The following TAF3 variants were observed in gnomAD, a reference collection of about 807,000 sequenced individuals.
TAF3 encodes TATA-box binding protein associated factor 3, also known as transcription initiation factor TFIID subunit 3.
Under a neutral mutation model 80.6 loss-of-function variants are expected in TAF3, and 7 were observed. The observed-to-expected ratio is 0.09, with a 90% CI of 0.05 to 0.16. TAF3 has a LOEUF of 0.16. TAF3 is among the 10% of genes least tolerant of loss of function. TAF3 has a pLI of 1.00. For missense variants in TAF3, 921 were observed against 1,140.2 expected, an observed-to-expected ratio of 0.81 and a Z score of 2.77; for synonymous variants, 444 against 446.1, an observed-to-expected ratio of 1.00 and a Z score of 0.06.
At chr10:7,974,972 G>T (rs1831656540) in intron 3 of TAF3, 2 of 180,058 alleles carry the variant, frequency 1.1e-5, no homozygotes, top group South Asian at 1.8e-4. Flanking sequence ...TACTCTGGAG[G>T]CTGAGGCAGG....
chr10:7,996,733 A>G (rs1166353132), intron 4 of TAF3, among the ~76,000 whole-genome samples: 1 of 151,186 alleles, frequency 6.6e-6, no homozygotes, highest in Non-Finnish European at 1.5e-5. Context: ...AGACTGGAGT[A>G]CAATAGTGCA....
chr10:7,915,799 T>A (rs1345754518), intron 2 of TAF3, among the ~76,000 whole-genome samples: 1 of 151,484 alleles, frequency 6.6e-6, no homozygotes, highest in Non-Finnish European at 1.5e-5. Flanking sequence ...GCCAACATGG[T>A]GAAATCTCGT....
intron 2 of TAF3, among the ~76,000 whole-genome samples, chr10:7,894,315 G>A (rs947074944): frequency 1.3e-5 from 2 of 152,114 alleles, no homozygotes; most frequent in South Asian, 4.1e-4. Context: ...CAGAGCAAAC[G>A]TGAAAAAAAT....
In TAF3 at chr10:7,977,315, A is replaced by G. The variant is rs1831683201; in HGVS notation, c.2307A>G (p.Gln769=). 1.9e-6 allele frequency: 3 copies of G among 1,614,070 alleles called. No individual in the cohort carries two copies. In the African/African-American group the frequency reaches 4.0e-5, roughly 22 times the overall value. The change falls in exon 4 of 7, where the codon CAA becomes CAG. Residue 769 remains glutamine, a synonymous_variant. Transcript: ENST00000344293. ...TAACTCTCCGAGTCGGTGCTGGCCAAGACAAGATGTAAGTATAAACGTTTT... is the reference window on the plus strand; with the variant it reads ...TAACTCTCCGAGTCGGTGCTGGCCAGGACAAGATGTAAGTATAAACGTTTT... ...PRLTLRVGAG[Q]DKIVISKVVP... is the part of the protein sequence containing the mutation.
chr10:7,937,592 T>G (rs1837933005), intron 2 of TAF3, among the ~76,000 whole-genome samples: 1 of 152,248 alleles, frequency 6.6e-6, no homozygotes, highest in African/African-American at 2.4e-5. Flanking sequence ...GTGACAGTCC[T>G]TTATCAGATA....
chr10:7,941,771 G>A (rs573320861), intron 2 of TAF3, among the ~76,000 whole-genome samples: 2 of 152,300 alleles, frequency 1.3e-5, no homozygotes, highest in South Asian at 2.1e-4. Flanking sequence ...GGGCAGGGTT[G>A]TGGTAGCTGG....
intron 4 of TAF3, among the ~76,000 whole-genome samples, chr10:7,982,479 A>G (rs1275421694): frequency 6.6e-6 from 1 of 151,966 alleles, no homozygotes; most frequent in Non-Finnish European, 1.5e-5. Context: ...GCTCACTGCA[A>G]CCTCCACCTC....
intron 2 of TAF3, among the ~76,000 whole-genome samples, chr10:7,900,872 T>C (rs1311444999): frequency 6.6e-6 from 1 of 152,112 alleles, no homozygotes; most frequent in Non-Finnish European, 1.5e-5. Context: ...CATAAAACTT[T>C]TTAAAAATCA....
At chr10:7,825,302 T>G (rs1340189103) in intron 2 of TAF3, among the ~76,000 whole-genome samples, 2 of 152,230 alleles carry the variant, frequency 1.3e-5, no homozygotes, top group East Asian at 3.8e-4. Flanking sequence ...ACAATGCAAA[T>G]GATGCCAGCA....
chr10:7,882,570 G>A (rs924911044), intron 2 of TAF3, among the ~76,000 whole-genome samples: 1 of 152,150 alleles, frequency 6.6e-6, no homozygotes, highest in African/African-American at 2.4e-5. Flanking sequence ...GAAAAGACAC[G>A]TAGGTTTATT....
intron 2 of TAF3, among the ~76,000 whole-genome samples, chr10:7,912,906 G>C (rs968925218): frequency 6.6e-6 from 1 of 152,128 alleles, no homozygotes; most frequent in South Asian, 2.1e-4. Context: ...GTCGGTGTCT[G>C]CTCGGGCTGC....
chr10:7,985,549 T>A (rs907454104), intron 4 of TAF3, among the ~76,000 whole-genome samples: 1 of 152,226 alleles, frequency 6.6e-6, no homozygotes, highest in Non-Finnish European at 1.5e-5. Flanking sequence ...TTCTTCTAAT[T>A]GTTCACTCCT....
At chr10:7,904,599 G>T (rs1837590028) in intron 2 of TAF3, among the ~76,000 whole-genome samples, 1 of 152,192 alleles carries the variant, frequency 6.6e-6, no homozygotes, top group African/African-American at 2.4e-5. Context: ...TAAAGGAAGG[G>T]AAAGATTTGC....
intron 2 of TAF3, among the ~76,000 whole-genome samples, chr10:7,919,134 C>T (rs1033800107): frequency 1.3e-5 from 2 of 152,118 alleles, no homozygotes; most frequent in Admixed American, 6.5e-5. Flanking sequence ...AGATTGAGTG[C>T]GACTAGGGGC....
Position 7,988,572 on chromosome 10 carries a change from C to CAAAAAAAAAAAAAAA in TAF3, c.2315+11264_2315+11278dup, listed in dbSNP as rs58825999. Among the ~76,000 whole-genome samples, 19 of 49,280 alleles carry CAAAAAAAAAAAAAAA rather than the reference C, an allele frequency of 3.9e-4. 4 individuals are homozygous for CAAAAAAAAAAAAAAA. The highest frequency in any genetic ancestry group is 8.5e-4 in the East Asian group (1 of 1,176). The allele number at this position is 49,280 out of a possible 152,430, so 32.3% of individuals were successfully genotyped here. On this transcript the variant is annotated intron_variant, in intron 4 of 6. Transcript: ENST00000344293. ...TGGGCAACAGAGTGAGACCCTGTCT[C>CAAAAAAAAAAAAAAA]AAAAAAAAAAAAAAAAAAAAAAAAA...
intron 2 of TAF3, among the ~76,000 whole-genome samples, chr10:7,847,650 G>T (rs1836984725): frequency 6.6e-6 from 1 of 152,154 alleles, no homozygotes; most frequent in Non-Finnish European, 1.5e-5. Context: ...TTGCTGTGTT[G>T]CCCTGGTTGG....
chr10:7,920,871 T>C (rs897024328), intron 2 of TAF3, among the ~76,000 whole-genome samples: 1 of 152,236 alleles, frequency 6.6e-6, no homozygotes, highest in African/African-American at 2.4e-5. Flanking sequence ...ATTTATACTG[T>C]AGCTAAAAAG....
chr10:7,888,356 G>A (rs948420567), intron 2 of TAF3, among the ~76,000 whole-genome samples: 1 of 152,100 alleles, frequency 6.6e-6, no homozygotes, highest in Admixed American at 6.5e-5. Flanking sequence ...AGTGGAGAAA[G>A]TGTTTAACTT....
At chr10:7,999,736 C>T (rs1831925166) in intron 4 of TAF3, among the ~76,000 whole-genome samples, 4 of 152,082 alleles carry the variant, frequency 2.6e-5, no homozygotes, top group South Asian at 4.1e-4. Flanking sequence ...GGATTACAGG[C>T]GTGAGCCACC....
Sources: gnomAD v4.1 joint callset for allele counts (sites outside exome capture counted in the v4.1 genomes callset) on GRCh38, gnomAD v4.1.1 for gene constraint, MANE v1.5 for transcripts, NCBI Gene and HGNC (gene_info 2026-07-23, HGNC 2026-07-21) for gene names.